Variants in SORBS3 observed in about 807,000 individuals in gnomAD.
The protein encoded by SORBS3 is vinexin.
SORBS3 carries 69 observed loss-of-function variants against 98.0 expected under a neutral mutation model. The ratio of observed to expected loss-of-function variants is 0.70; its 90% CI spans 0.58 to 0.86. The LOEUF (loss-of-function observed/expected upper bound fraction) is 0.86, where lower values mean the gene tolerates loss of function less well. SORBS3 is among the 40% of genes least tolerant of loss of function. The pLI is 0.00. For missense variants in SORBS3, 954 were observed against 908.5 expected (o/e 1.05, Z -0.64); for synonymous variants, 394 against 355.4 (o/e 1.11, Z -1.22).
At position 22,575,211 on chromosome 8, in the gene SORBS3, C is replaced by T. The variant is rs1586913303; in HGVS notation, c.*483C>T. On this transcript the variant is annotated 3_prime_UTR_variant, in exon 21 of 21. Transcript: ENST00000240123. ...GGCTGCCCTCTTTGCCTTCTGGCCT[C>T]CAGCTGGGTGTGGGGGGGCGGAGCA... 1 of 321,318 alleles carries T rather than the reference C, an allele frequency of 3.1e-6. No homozygotes were observed. The highest frequency in any genetic ancestry group is 9.3e-5 in the East Asian group (1 of 10,756). The allele number at this position is 321,318 out of a possible 1,614,324, so 19.9% of individuals were successfully genotyped here.
intron 5 of SORBS3, 142 bp from the exon 6 acceptor site, chr8:22,561,193 T>A (rs1586895459): frequency 1.3e-6 from 1 of 764,144 alleles, no homozygotes; most frequent in East Asian, 2.8e-5. Flanking sequence ...ATTCCTTCCC[T>A]CCCTTGGGAC....
upstream of SORBS3, among the ~76,000 whole-genome samples, chr8:22,548,574 C>T (rs570700565): frequency 6.6e-6 from 1 of 152,126 alleles, no homozygotes; most frequent in Admixed American, 6.5e-5. Context: ...ACTCAAAGCA[C>T]CTGAAGTTCA....
intron 3 of SORBS3, among the ~76,000 whole-genome samples, chr8:22,555,445 C>G (rs1840166234): frequency 6.6e-6 from 1 of 152,218 alleles, no homozygotes; most frequent in Admixed American, 6.5e-5. Flanking sequence ...CTGAACATGT[C>G]TCTCCTAAAG....
rs1320787104 is a variant in SORBS3 at position 22,554,478 on chromosome 8, G to A, written c.-29G>A. The A allele has an allele frequency of 3.7e-6, 6 of 1,601,998 alleles. No homozygotes were observed. Among genetic ancestry groups the A allele is most frequent in the Non-Finnish European group, 5.1e-6 (6 of 1,176,814 alleles). ...GGACACGCAGAGGAGCAGCTGGCTT[G>A]CCCGGAGTCCTCCCACCTTGACCCA... On this transcript the variant is annotated 5_prime_UTR_variant, in exon 2 of 21. Coordinates refer to ENST00000240123, the MANE Select transcript of SORBS3 (RefSeq NM_005775.5). The surrounding 1 kb of genome is among the most constrained non-coding windows in gnomAD (Gnocchi z 6.5).
chr8:22,555,678 C>T (rs1269837808), intron 3 of SORBS3, among the ~76,000 whole-genome samples: 2 of 152,096 alleles, frequency 1.3e-5, no homozygotes, highest in African/African-American at 4.8e-5. Context: ...TGGTGAAACC[C>T]CATCTCTAAT....
At position 22,554,896 on chromosome 8, in the gene SORBS3, C is replaced by A. The variant is rs1283798461; in HGVS notation, c.136C>A (p.Leu46Ile). The A allele has an allele frequency of 6.2e-7, 1 of 1,613,682 alleles. No homozygotes were observed. The highest frequency in any genetic ancestry group is 1.1e-5 in the South Asian group (1 of 91,082). The change falls in exon 3 of 21, where the codon CTT (leucine) becomes ATT (isoleucine). Residue 46 changes from leucine (L) to isoleucine (I), a missense_variant. By Grantham distance (5) the Leu-to-Ile change is conservative. Transcript: ENST00000240123. This position sits in a 1 kb window ranked among gnomAD's most constrained non-coding sequence, Gnocchi z 6.5. ...PVIRNGGSNT[L>I]NFQFHDPAPR... ...GATCCGGAATGGTGGCTCCAACACC[C>A]TTAATTTCCAGTTCCACGACCCCGC...
chr8:22,551,873 C>T (rs368051099), upstream of SORBS3: 12 of 985,268 alleles, frequency 1.2e-5, no homozygotes, highest in East Asian at 9.1e-4. This position sits in a 1 kb window ranked among gnomAD's most constrained non-coding sequence, Gnocchi z 5.8. Flanking sequence ...CGGCCCGGCC[C>T]GGCCCGTCCT....
At position 22,575,509 on chromosome 8, in the gene SORBS3, G is replaced by C. The variant is rs746504903; in HGVS notation, c.*781G>C. 6.5e-6 allele frequency: 1 copy of C among 153,818 alleles called. No homozygotes were observed. The highest frequency in any genetic ancestry group is 2.4e-5 in the African/African-American group (1 of 41,478). The allele number at this position is 153,818 out of a possible 1,614,324, so 9.5% of individuals were successfully genotyped here. On this transcript the variant is annotated 3_prime_UTR_variant, in exon 21 of 21. Coordinates refer to ENST00000240123, the MANE Select transcript of SORBS3 (RefSeq NM_005775.5). ...GGACACAAGGGACCTTGTCTCTGCG[G>C]CCTTTTCCTTGGGGTAGGGGATGCC...
At chr8:22,559,814 A>C (rs905368331) in intron 5 of SORBS3, among the ~76,000 whole-genome samples, 2 of 152,182 alleles carry the variant, frequency 1.3e-5, no homozygotes, top group Non-Finnish European at 2.9e-5. Context: ...TCACGGGACA[A>C]GGTCTAAAAC....
chr8:22,559,476 G>A (rs1840249186), intron 5 of SORBS3, among the ~76,000 whole-genome samples: 1 of 152,162 alleles, frequency 6.6e-6, no homozygotes, highest in African/African-American at 2.4e-5. Flanking sequence ...CAAGGTGGGT[G>A]GATTGCCTGA....
At chr8:22,551,278 C>T (rs1043601440), upstream of SORBS3, among the ~76,000 whole-genome samples, 9 of 152,114 alleles carry the variant, frequency 5.9e-5, no homozygotes, top group African/African-American at 1.9e-4. The surrounding 1 kb of genome is among the most constrained non-coding windows in gnomAD (Gnocchi z 5.8). Flanking sequence ...CGACCGGCCG[C>T]GCGCCGCCGC....
chr8:22,565,936 C>T, intron 12 of SORBS3, 64 bp downstream of exon 12: 2 of 1,120,510 alleles, frequency 1.8e-6, no homozygotes, highest in Non-Finnish European at 2.3e-6. Context: ...GAACGTGGCG[C>T]GGCCGGGCGG....
chr8:22,563,644 G>C (rs767840813), intron 7 of SORBS3, among the ~76,000 whole-genome samples: 2 of 152,186 alleles, frequency 1.3e-5, no homozygotes, highest in Non-Finnish European at 2.9e-5. Context: ...ACAGGAGAGG[G>C]TCGGGCCACA....
chr8:22,547,997 C>G (rs1487163930), upstream of SORBS3, among the ~76,000 whole-genome samples: 1 of 152,224 alleles, frequency 6.6e-6, no homozygotes, highest in Non-Finnish European at 1.5e-5. Flanking sequence ...ATGGAAAGGT[C>G]TGTGCCAGGC....
rs995595508 is a variant in SORBS3, at chr8:22,565,257, C to T, written c.817-11C>T. 5 of 1,549,766 alleles carry T rather than the reference C, an allele frequency of 3.2e-6. No homozygotes were observed. In the African/African-American group the frequency reaches 5.5e-5, roughly 17 times the overall value. ...GCTGCCCCTCACTGCCCAGCCTCTC[C>T]CCGCCCCCAGGTGCTGCTGGAGAGA... is the stretch of plus-strand genomic sequence containing the variant. On this transcript the variant is annotated splice_polypyrimidine_tract_variant and intron_variant, in intron 10 of 20. Transcript: ENST00000240123.
rs373494176 is a variant in SORBS3, at chr8:22,571,072, C to T, written c.1594C>T (p.Arg532Cys). 2.4e-5 allele frequency: 39 copies of T among 1,612,570 alleles called. No homozygotes were observed. The highest frequency in any genetic ancestry group is 2.4e-4 in the African/African-American group (18 of 74,998). ...DDGPQLPTSP[R>C]LTAAARSARH... ...CGGCCCCCAGCTCCCCACGTCTCCC[C>T]GCCTGACCGCTGCCGCCCGCTCAGC... The change falls in exon 18 of 21, where the codon CGC becomes TGC. Residue 532 changes from arginine (R) to cysteine (C), a missense_variant. Arg to Cys is a radical substitution (Grantham distance 180). Coordinates refer to ENST00000240123, the MANE Select transcript of SORBS3 (RefSeq NM_005775.5).
intron 3 of SORBS3, 120 bp downstream of exon 3, chr8:22,555,100 G>C: frequency 1.2e-6 from 1 of 851,322 alleles, no homozygotes; most frequent in South Asian, 1.6e-5. Flanking sequence ...GCCATGAGGA[G>C]GTTCCTCAGA....
At chr8:22,545,137 A>T (rs1840003948) in intron 1 of SORBS3, 1 of 152,196 alleles carries the variant, frequency 6.6e-6, no homozygotes, top group Non-Finnish European at 1.5e-5. Flanking sequence ...AAGGTGAGTA[A>T]AGGACAGCCT....
chr8:22,564,706 G>T, intron 10 of SORBS3, 185 bp downstream of exon 10: 1 of 1,404,996 alleles, frequency 7.1e-7, no homozygotes. Flanking sequence ...CAGTAAACAT[G>T]TGTTAAATAA....
Sources: allele counts gnomAD v4.1 joint callset (sites outside exome capture counted in the v4.1 genomes callset), GRCh38; gene constraint gnomAD v4.1.1; non-coding constraint Gnocchi (gnomAD v3.1); transcripts MANE v1.5; gene names NCBI Gene and HGNC (gene_info 2026-07-23, HGNC 2026-07-21).